The following MESD variants were observed in gnomAD, a reference collection of about 807,000 sequenced individuals.
MESD encodes mesoderm development LRP chaperone, also known as LRP chaperone MESD.
In MESD, 7 loss-of-function variants were observed where a neutral mutation model predicts 12.9. That is an observed-to-expected ratio of 0.54 (90% CI 0.31 to 1.02). MESD has a LOEUF of 1.02. Ranked by LOEUF, MESD falls within the 50% of genes least tolerant of loss-of-function variation. MESD has a pLI of 0.05. For missense variants in MESD, 342 were observed against 296.7 expected (o/e 1.15, Z -1.12); for synonymous variants, 126 against 115.6 (o/e 1.09, Z -0.58).
chr15:80,952,835 A>G lies in MESD; in HGVS notation c.*289-539T>C, dbSNP rs910482414. 5.2e-5 allele frequency: 20 copies of G among 387,876 alleles called. 1 individual carries two copies. The highest frequency in any genetic ancestry group is 3.8e-4 in the Admixed American group (13 of 34,390). The allele number at this position is 387,876 out of a possible 1,614,324, so 24.0% of individuals were successfully genotyped here. ...AACTTTGCCAGGAGAAAGAGATCAC[A>G]CTTGCACACTCAGTCAACAAATATT... is the stretch of plus-strand genomic sequence containing the variant. On this transcript the variant is annotated intron_variant, in intron 3 of 4. Coordinates refer to the MESD transcript ENST00000561312.
At chr15:80,957,678 A>G (rs1348238727) in intron 3 of MESD, among the ~76,000 whole-genome samples, 1 of 152,178 alleles carries the variant, frequency 6.6e-6, no homozygotes, top group Non-Finnish European at 1.5e-5. Flanking sequence ...GGCAGTCTAC[A>G]AGCCTGAGAC....
chr15:80,967,223 T>C (rs1596228860), intron 3 of MESD, among the ~76,000 whole-genome samples: 1 of 147,104 alleles, frequency 6.8e-6, no homozygotes, highest in African/African-American at 2.5e-5. Context: ...ACCCGGGAGG[T>C]GGAGGTTGTG....
intron 3 of MESD, among the ~76,000 whole-genome samples, chr15:80,966,970 C>T (rs1435648689): frequency 1.3e-5 from 2 of 152,128 alleles, no homozygotes; most frequent in Non-Finnish European, 2.9e-5. Flanking sequence ...CGAGGTGATG[C>T]GCTCAAGGCA....
chr15:80,966,538 G>A (rs974840694), intron 3 of MESD, among the ~76,000 whole-genome samples: 6 of 152,222 alleles, frequency 3.9e-5, no homozygotes, highest in Non-Finnish European at 7.4e-5. Context: ...CATATTAGAG[G>A]TGTGTTCACA....
chr15:80,987,695 G>C (rs1902771987), intron 1 of MESD, among the ~76,000 whole-genome samples: 1 of 152,086 alleles, frequency 6.6e-6, no homozygotes, highest in African/African-American at 2.4e-5. Context: ...CACCATGTTG[G>C]CCAGGCTGGT....
chr15:80,979,619 G>A, intron 2 of MESD, 142 bp from the exon 3 acceptor site: 1 of 914,712 alleles, frequency 1.1e-6, no homozygotes, highest in Non-Finnish European at 1.6e-6. Context: ...AAGCCTAGCA[G>A]CTACTGATAT....
intron 1 of MESD, among the ~76,000 whole-genome samples, chr15:80,986,196 G>A (rs772796374): frequency 9.2e-5 from 14 of 152,108 alleles, no homozygotes; most frequent in South Asian, 4.1e-4. Flanking sequence ...ATTCTCCTTC[G>A]TATGCGGACC....
At chr15:80,953,054 A>G (rs766917398) in intron 3 of MESD, 8 of 456,084 alleles carry the variant, frequency 1.8e-5, no homozygotes, top group South Asian at 3.1e-5. Flanking sequence ...TCAGAGATGG[A>G]TAAGAGAAGG....
intron 3 of MESD, among the ~76,000 whole-genome samples, chr15:80,955,438 C>T (rs1383952261): frequency 8.7e-5 from 12 of 137,736 alleles, no homozygotes; most frequent in Non-Finnish European, 1.8e-4. Context: ...TGCAGTGAGC[C>T]GAGATTGCGC....
intron 3 of MESD, among the ~76,000 whole-genome samples, chr15:80,970,294 A>G (rs1323894583): frequency 6.6e-6 from 1 of 152,180 alleles, no homozygotes; most frequent in Non-Finnish European, 1.5e-5. Context: ...CACTGCAGAC[A>G]GCTTCCGAAA....
chr15:80,982,278 T>C lies in MESD; in HGVS notation c.214-96A>G, dbSNP rs2293056. On this transcript the variant is annotated intron_variant, in intron 1 of 2. Transcript: ENST00000261758. ...TTCTGCATGATGTCAGGTGCATGTA[T>C]ATGACTTAAATTACAACATAAAAAG... 1.7e-5 allele frequency: 15 copies of C among 904,924 alleles called. No individual in the cohort carries two copies. The East Asian group carries it at 3.1e-4, about 19-fold the overall frequency. 56.1% of individuals were successfully genotyped at this position (904,924 alleles called of 1,614,324 possible).
chr15:80,981,432 G>A (rs1295355625), intron 2 of MESD, among the ~76,000 whole-genome samples: 6 of 107,992 alleles, frequency 5.6e-5, no homozygotes, highest in African/African-American at 1.9e-4. Context: ...GTGAGACTCC[G>A]TCTCAAAAAA....
chr15:80,980,119 ACG>A, intron 2 of MESD, among the ~76,000 whole-genome samples: 1 of 152,294 alleles, frequency 6.6e-6, no homozygotes, highest in South Asian at 2.1e-4. Flanking sequence ...GGACTACACC[ACG>A]CGTTCCCCCT....
At chr15:80,952,400 C>T (rs1901863817) in intron 3 of MESD, 4 of 289,182 alleles carry the variant, frequency 1.4e-5, no homozygotes, top group Admixed American at 4.7e-5. Context: ...GGGCTACCTA[C>T]ATTTAAATTA....
chr15:80,985,489 T>C (rs745743252), intron 1 of MESD, among the ~76,000 whole-genome samples: 3 of 152,152 alleles, frequency 2.0e-5, no homozygotes, highest in Non-Finnish European at 2.9e-5. Context: ...CACAAGTTGT[T>C]TCTGTCTTTA....
intron 3 of MESD, among the ~76,000 whole-genome samples, chr15:80,965,018 A>G (rs1250302937): frequency 6.6e-6 from 1 of 152,248 alleles, no homozygotes; most frequent in African/African-American, 2.4e-5. Context: ...GTGAACAGGC[A>G]ACTTACAGAA....
chr15:80,956,032 A>G (rs968483565), intron 3 of MESD, among the ~76,000 whole-genome samples: 1 of 152,068 alleles, frequency 6.6e-6, no homozygotes, highest in Non-Finnish European at 1.5e-5. Flanking sequence ...TCTACAAAAA[A>G]TACAAAAATT....
At chr15:80,984,582 G>T (rs1429627037) in intron 1 of MESD, among the ~76,000 whole-genome samples, 3 of 152,202 alleles carry the variant, frequency 2.0e-5, no homozygotes, top group Non-Finnish European at 2.9e-5. Flanking sequence ...GCGATTGCCC[G>T]GGGCTGGCTA....
chr15:80,982,334 C>G, intron 1 of MESD, 152 bp from the exon 2 acceptor site: 1 of 648,924 alleles, frequency 1.5e-6, no homozygotes, highest in Non-Finnish European at 2.6e-6. Context: ...CTCTTCTTAA[C>G]TTTCAAGATA....
Sources: allele counts gnomAD v4.1 joint callset (sites outside exome capture counted in the v4.1 genomes callset), GRCh38; gene constraint gnomAD v4.1.1; transcripts MANE v1.5; gene names NCBI Gene and HGNC (gene_info 2026-07-23, HGNC 2026-07-21).